RAPGEF4: variants seen among roughly 807,000 people sequenced by gnomAD.
The protein encoded by RAPGEF4 is Rap guanine nucleotide exchange factor 4.
In RAPGEF4, 66 loss-of-function variants were observed where a neutral mutation model predicts 147.9. The ratio of observed to expected loss-of-function variants is 0.45; its 90% CI spans 0.37 to 0.55. The LOEUF is 0.55. Ranked by LOEUF, RAPGEF4 falls within the 20% of genes least tolerant of loss-of-function variation. RAPGEF4 has a pLI of 0.00. For missense variants in RAPGEF4, 1,071 were observed against 1,257.3 expected (o/e 0.85, Z 2.24); for synonymous variants, 419 against 442.7 (o/e 0.95, Z 0.67).
chr2:173,051,421 G>A (rs1441837271), intron 30 of RAPGEF4, among the ~76,000 whole-genome samples: 2 of 152,008 alleles, frequency 1.3e-5, no homozygotes, highest in East Asian at 1.9e-4. Flanking sequence ...AAAGGAGAAT[G>A]ATCAAAAGAG....
chr2:172,736,997 T>A (rs1443050747), intron 1 of RAPGEF4, among the ~76,000 whole-genome samples: 1 of 152,252 alleles, frequency 6.6e-6, no homozygotes, highest in Non-Finnish European at 1.5e-5. Flanking sequence ...CTCTGCCATA[T>A]TGAAAAATTT....
At chr2:172,860,103 C>T (rs1387758892) in intron 4 of RAPGEF4, 1 of 985,206 alleles carries the variant, frequency 1.0e-6, no homozygotes, top group Non-Finnish European at 1.2e-6. Context: ...TACGCAGAAA[C>T]ATTAGTGCTA....
chr2:172,747,634 T>G (rs1694900759), intron 1 of RAPGEF4, among the ~76,000 whole-genome samples: 2 of 152,054 alleles, frequency 1.3e-5, no homozygotes, highest in Non-Finnish European at 2.9e-5. Flanking sequence ...CCTGGAAAAT[T>G]TTTTATTTTT....
At chr2:172,863,739 G>A (rs888532946) in intron 4 of RAPGEF4, among the ~76,000 whole-genome samples, 1 of 152,126 alleles carries the variant, frequency 6.6e-6, no homozygotes, top group African/African-American at 2.4e-5. Context: ...TGGCAAAAAG[G>A]TTGTTTTCCA....
At chr2:172,782,858 C>T (rs564757223) in intron 1 of RAPGEF4, among the ~76,000 whole-genome samples, 5 of 152,260 alleles carry the variant, frequency 3.3e-5, no homozygotes, top group East Asian at 1.9e-4. Flanking sequence ...TAAGCATCCC[C>T]GTTTGGCTGG....
intron 3 of RAPGEF4, among the ~76,000 whole-genome samples, chr2:172,799,850 T>C (rs772438873): frequency 4.6e-5 from 7 of 152,202 alleles, no homozygotes; most frequent in Non-Finnish European, 1.0e-4. Context: ...CCAGCTCTTA[T>C]GTGCTGACAC....
intron 1 of RAPGEF4, among the ~76,000 whole-genome samples, chr2:172,762,562 C>T (rs1028920626): frequency 1.3e-5 from 2 of 152,168 alleles, no homozygotes; most frequent in African/African-American, 4.8e-5. Flanking sequence ...CTATAAGAGG[C>T]CTTCTGTCTG....
At chr2:172,925,316 C>T (rs754883334) in intron 6 of RAPGEF4, among the ~76,000 whole-genome samples, 9 of 152,200 alleles carry the variant, frequency 5.9e-5, no homozygotes, top group Non-Finnish European at 1.2e-4. Flanking sequence ...CACACATCAA[C>T]AAGTGCTGTT....
chr2:172,915,703 CAAAAAAAA>C (rs10676347), intron 4 of RAPGEF4, among the ~76,000 whole-genome samples: 1 of 113,862 alleles, frequency 8.8e-6, no homozygotes, highest in Non-Finnish European at 1.7e-5. Context: ...GACCCTGTCT[CAAAAAAAA>C]AAAAAAAAAG....
At chr2:172,857,904 A>G (rs1281144168) in intron 4 of RAPGEF4, among the ~76,000 whole-genome samples, 99 of 6,958 alleles carry the variant, frequency 0.014, no homozygotes, top group Non-Finnish European at 0.03. Context: ...AAAAAAAAAA[A>G]AAAAAAAAAA....
chr2:172,883,110 A>G (rs894132008), intron 4 of RAPGEF4, among the ~76,000 whole-genome samples: 5 of 152,092 alleles, frequency 3.3e-5, no homozygotes, highest in Non-Finnish European at 7.4e-5. Context: ...TAAAAAAAAA[A>G]AGGAGTGAAT....
rs1383128259 is a variant in RAPGEF4, at chr2:172,735,876, G to T, written c.-108G>T. On this transcript the variant is annotated 5_prime_UTR_variant, in exon 1 of 31. Transcript: ENST00000397081. ...GTCGCAGCCGCGCTGGTCGCCAGGC[G>T]TCCGGGAGGAGCGGGGTCCGCGCGG... 5 of 993,140 alleles carry T rather than the reference G, an allele frequency of 5.0e-6. No homozygotes were observed. Among genetic ancestry groups the T allele is most frequent in the Admixed American group, 4.6e-5 (1 of 21,534 alleles). The allele number at this position is 993,140 out of a possible 1,614,324, so 61.5% of individuals were successfully genotyped here.
chr2:172,943,477 T>C (rs1398052649), intron 6 of RAPGEF4, among the ~76,000 whole-genome samples: 1 of 152,174 alleles, frequency 6.6e-6, no homozygotes, highest in Non-Finnish European at 1.5e-5. Context: ...GTTGTTAGTA[T>C]TCAATAAGAT....
At chr2:172,849,020 GA>G (rs1692527699) in intron 4 of RAPGEF4, among the ~76,000 whole-genome samples, 1 of 151,068 alleles carries the variant, frequency 6.6e-6, no homozygotes, top group South Asian at 2.1e-4. Context: ...GAGGGCTTTA[GA>G]AAACTTACAT....
At chr2:172,806,498 C>T (rs1687510133) in intron 3 of RAPGEF4, among the ~76,000 whole-genome samples, 1 of 152,198 alleles carries the variant, frequency 6.6e-6, no homozygotes, top group South Asian at 2.1e-4. Context: ...ATGTAAAGCA[C>T]TTAGTACAAA....
chr2:172,952,490 T>A (rs1385346875), intron 6 of RAPGEF4, among the ~76,000 whole-genome samples: 1 of 152,220 alleles, frequency 6.6e-6, no homozygotes, highest in Non-Finnish European at 1.5e-5. Flanking sequence ...AGACACACCG[T>A]AATGGGCAGT....
intron 26 of RAPGEF4, among the ~76,000 whole-genome samples, chr2:173,031,018 T>G (rs1455518853): frequency 2.0e-5 from 3 of 152,096 alleles, no homozygotes; most frequent in Non-Finnish European, 2.9e-5. Context: ...AAATAAAAAA[T>G]TGTGTGTAAG....
chr2:172,941,659 C>G (rs955417755), intron 6 of RAPGEF4, among the ~76,000 whole-genome samples: 1 of 152,096 alleles, frequency 6.6e-6, no homozygotes, highest in Non-Finnish European at 1.5e-5. Flanking sequence ...TTTACACTTT[C>G]TGAGGAAACT....
intron 3 of RAPGEF4, among the ~76,000 whole-genome samples, 154 bp from the exon 4 acceptor site, chr2:172,814,125 A>G (rs948469183): frequency 6.6e-6 from 1 of 152,210 alleles, no homozygotes; most frequent in African/African-American, 2.4e-5. Flanking sequence ...TCTGGTTGGT[A>G]ATTACTCCGG....
Sources: allele counts gnomAD v4.1 joint callset (sites outside exome capture counted in the v4.1 genomes callset), GRCh38; gene constraint gnomAD v4.1.1; transcripts MANE v1.5; gene names NCBI Gene and HGNC (gene_info 2026-07-23, HGNC 2026-07-21).